DRAM2: variants seen among roughly 807,000 people sequenced by gnomAD.
The protein encoded by DRAM2 is DNA damage-regulated autophagy modulator protein 2.
DRAM2 carries 26 observed loss-of-function variants against 33.5 expected under a neutral mutation model. The ratio of observed to expected loss-of-function variants is 0.78; its 90% CI spans 0.57 to 1.08. The LOEUF is 1.08. Ranked by LOEUF, DRAM2 falls within the 50% of genes least tolerant of loss-of-function variation. The pLI is 0.00. For synonymous variants in DRAM2, 98 were observed against 109.5 expected, an observed-to-expected ratio of 0.89 and a Z score of 0.66; for missense variants, 311 against 318.1, an observed-to-expected ratio of 0.98 and a Z score of 0.17.
rs1402378084 is a variant in DRAM2, at chr1:111,131,365, A to G, written c.131+59T>C. ...AGGTTGACATTAAATGTTGACTTCA[A>G]TGTTAAAATAAGAATGAGACATAAA... On this transcript the variant is annotated intron_variant, in intron 4 of 9. Transcript: ENST00000484310. 4 of 1,488,016 alleles carry G rather than the reference A, an allele frequency of 2.7e-6. No homozygotes were observed. The South Asian group carries it at 5.3e-5, about 20-fold the overall frequency. The allele number at this position is 1,488,016 out of a possible 1,614,324, so 92.2% of individuals were successfully genotyped here.
At position 111,118,820 on chromosome 1, in the gene DRAM2, G is replaced by GT. The variant is rs771234779; in HGVS notation, c.677dup (p.Tyr226Ter). 7.3e-5 allele frequency: 118 copies of GT among 1,607,196 alleles called. No homozygotes were observed. Among genetic ancestry groups the GT allele is most frequent in the Non-Finnish European group, 9.4e-5 (111 of 1,175,902 alleles). ...GCCTTCTTACCTGAAAATCACGAAT[G>GT]TAAGTCAGGAAAAAACCAAAGAAGG... ...SFSFFGFFLT[Y>*]IRDFQKISLR... The change falls in exon 9 of 10, where the codon TAC becomes TAAC. Residue 226 changes from tyrosine (Y) to a stop codon, truncating the protein, a stop_gained and frameshift_variant. Transcript: ENST00000484310. LOFTEE classifies it high-confidence loss of function.
At chr1:111,127,768 G>A (rs972583914) in intron 4 of DRAM2, among the ~76,000 whole-genome samples, 1 of 152,116 alleles carries the variant, frequency 6.6e-6, no homozygotes, top group Non-Finnish European at 1.5e-5. Context: ...TGGCTCAGGA[G>A]AGAATGACAT....
At position 111,118,796 on chromosome 1, in the gene DRAM2, C is replaced by G. The variant is rs751993216; in HGVS notation, c.693+9G>C. The G allele has an allele frequency of 1.3e-6, 2 of 1,592,626 alleles. No individual in the cohort carries two copies. The highest frequency in any genetic ancestry group is 1.7e-4 in the Middle Eastern group (1 of 6,016). On this transcript the variant is annotated intron_variant, in intron 9 of 9. Coordinates refer to ENST00000484310, the MANE Select transcript of DRAM2 (RefSeq NM_001349884.2). ...CTGACTGAATAAATCTAATATTGTG[C>G]CTTCTTACCTGAAAATCACGAATGT...
Position 111,131,567 on chromosome 1 carries a change from T to C in DRAM2, c.-13A>G. Reference sequence around the variant, plus strand: ...GAAACCACCACATTTCTAACAGGTTTTCTGAAATAGAGAAAACATATTAGA... The same window carrying C: ...GAAACCACCACATTTCTAACAGGTTCTCTGAAATAGAGAAAACATATTAGA... On this transcript the variant is annotated splice_region_variant and 5_prime_UTR_variant, in exon 4 of 10. Coordinates refer to ENST00000484310, the MANE Select transcript of DRAM2 (RefSeq NM_001349884.2). The C allele has an allele frequency of 1.2e-6, 2 of 1,612,918 alleles. No homozygotes were observed. Among genetic ancestry groups the C allele is most frequent in the Non-Finnish European group, 1.7e-6 (2 of 1,179,744 alleles).
rs1652074153 is a variant in DRAM2, at chr1:111,131,519, A to T, written c.36T>A (p.Pro12=). Reference sequence around the variant, plus strand: ...CAGATGTCCAAATTACAAGGGCTGAAGGAAGGAAACTGAGGCCTTGCTGAA... The same window carrying T: ...CAGATGTCCAAATTACAAGGGCTGATGGAAGGAAACTGAGGCCTTGCTGAA... ...WWFQQGLSFL[P]SALVIWTSAA... is the part of the protein sequence containing the mutation. The change falls in exon 4 of 10, where the codon CCT becomes CCA. Residue 12 remains proline, a synonymous_variant. Transcript: ENST00000484310. The T allele has an allele frequency of 6.2e-7, 1 of 1,614,068 alleles. No homozygotes were observed. The highest frequency in any genetic ancestry group is 8.5e-7 in the Non-Finnish European group (1 of 1,180,032).
chr1:111,135,273 T>C (rs1212582936), intron 3 of DRAM2, among the ~76,000 whole-genome samples: 1 of 152,206 alleles, frequency 6.6e-6, no homozygotes, highest in African/African-American at 2.4e-5. Context: ...ATGGCACCCA[T>C]TGACATTGAA....
chr1:111,118,643 C>A (rs1390316292), intron 9 of DRAM2, 162 bp downstream of exon 9: 7 of 556,606 alleles, frequency 1.3e-5, no homozygotes, highest in Non-Finnish European at 1.9e-5. Context: ...AACACAGAAA[C>A]AATTCACCTG....
chr1:111,127,101 C>T (rs372827886), intron 4 of DRAM2, among the ~76,000 whole-genome samples: 1 of 152,172 alleles, frequency 6.6e-6, no homozygotes, highest in East Asian at 1.9e-4. Context: ...TATTCATTCC[C>T]TCCCAGCTCA....
At chr1:111,133,930 C>T (rs1487863223) in intron 3 of DRAM2, among the ~76,000 whole-genome samples, 1 of 152,212 alleles carries the variant, frequency 6.6e-6, no homozygotes, top group Non-Finnish European at 1.5e-5. Context: ...TTTACTTCCC[C>T]AACCAGGGCA....
intron 3 of DRAM2, among the ~76,000 whole-genome samples, chr1:111,133,130 T>C (rs897300087): frequency 3.3e-5 from 5 of 151,496 alleles, no homozygotes; most frequent in Non-Finnish European, 5.9e-5. Context: ...TAGTCTTTGC[T>C]CCTTAACGTG....
chr1:111,118,270 G>A lies in DRAM2; in HGVS notation c.694-3C>T, dbSNP rs1177646033. The A allele has an allele frequency of 2.5e-6, 4 of 1,606,866 alleles. No individual in the cohort carries two copies. Among genetic ancestry groups the A allele is most frequent in the Non-Finnish European group, 3.4e-6 (4 of 1,175,950 alleles). ...GCTTCCACCCGTAAAGAAATTTTCT[G>A]GAACAGAAAAGAAAATTATATATAG... On this transcript the variant is annotated splice_polypyrimidine_tract_variant and splice_region_variant and intron_variant, in intron 9 of 9. Transcript: ENST00000484310.
At chr1:111,133,709 A>T (rs569273136) in intron 3 of DRAM2, among the ~76,000 whole-genome samples, 1 of 152,356 alleles carries the variant, frequency 6.6e-6, no homozygotes, top group South Asian at 2.1e-4. Context: ...ATACGATTCA[A>T]ACTCAAGCAA....
chr1:111,119,444 A>C (rs1168580768), intron 8 of DRAM2, among the ~76,000 whole-genome samples: 1 of 152,040 alleles, frequency 6.6e-6, no homozygotes, highest in Non-Finnish European at 1.5e-5. Flanking sequence ...CTATTCTCAG[A>C]GTCCCAGATG....
At chr1:111,122,222 A>G (rs944688526) in intron 6 of DRAM2, among the ~76,000 whole-genome samples, 1 of 152,198 alleles carries the variant, frequency 6.6e-6, no homozygotes, top group Non-Finnish European at 1.5e-5. Context: ...ATGCAAAATG[A>G]GATGTATATA....
chr1:111,123,507 C>T (rs1016260727), intron 6 of DRAM2, among the ~76,000 whole-genome samples: 3 of 152,206 alleles, frequency 2.0e-5, no homozygotes, highest in Admixed American at 6.5e-5. Flanking sequence ...CCGTAATCAT[C>T]CATTCTCAGT....
At position 111,118,154 on chromosome 1, in the gene DRAM2, C is replaced by G; in HGVS notation, c.*6G>C. 2 of 1,605,974 alleles carry G rather than the reference C, an allele frequency of 1.2e-6. No individual in the cohort carries two copies. The highest frequency in any genetic ancestry group is 1.7e-6 in the Non-Finnish European group (2 of 1,172,910). On this transcript the variant is annotated 3_prime_UTR_variant, in exon 10 of 10. Transcript: ENST00000484310. ...ATAATCATTACAGAAATATTTTATC[C>G]TTTCATCAAATATCTCTGGAAAGTA...
intron 6 of DRAM2, among the ~76,000 whole-genome samples, chr1:111,123,292 C>T (rs1238713426): frequency 6.6e-6 from 1 of 152,054 alleles, no homozygotes; most frequent in African/African-American, 2.4e-5. Context: ...TTTTTCTGAC[C>T]TGTGCACACC....
intron 3 of DRAM2, among the ~76,000 whole-genome samples, chr1:111,135,628 A>G (rs148446008): frequency 3.7e-4 from 57 of 152,286 alleles, no homozygotes; most frequent in African/African-American, 1.3e-3. Context: ...ACATGTCTAA[A>G]TCCTTCTTTT....
In DRAM2 at chr1:111,120,434, T is replaced by C. The variant is rs538205681; in HGVS notation, c.517+82A>G. ...AAAAAAAAAAAGACAAAAAGGCTTC[T>C]TATACTGCACCAATAGTGTTTACTT... On this transcript the variant is annotated intron_variant, in intron 7 of 9. Coordinates refer to ENST00000484310, the MANE Select transcript of DRAM2 (RefSeq NM_001349884.2). 14 of 443,650 alleles carry C rather than the reference T, an allele frequency of 3.2e-5. 1 individual carries two copies. Among genetic ancestry groups the C allele is most frequent in the Admixed American group, 4.6e-5 (1 of 21,784 alleles). 27.5% of individuals were successfully genotyped at this position (443,650 alleles called of 1,614,324 possible).
Sources: gnomAD v4.1 joint callset for allele counts (sites outside exome capture counted in the v4.1 genomes callset) on GRCh38, gnomAD v4.1.1 for gene constraint, MANE v1.5 for transcripts, NCBI Gene and HGNC (gene_info 2026-07-23, HGNC 2026-07-21) for gene names.